The following KCNIP4 variants were observed in gnomAD, a reference collection of about 807,000 sequenced individuals.
The protein encoded by KCNIP4 is Kv channel-interacting protein 4.
A neutral mutation model predicts 34.0 loss-of-function variants in KCNIP4; 12 were observed. That is an observed-to-expected ratio of 0.35 (90% CI 0.23 to 0.57). The LOEUF (loss-of-function observed/expected upper bound fraction) is 0.57, where lower values mean the gene tolerates loss of function less well. Ranked by LOEUF, KCNIP4 falls within the 20% of genes least tolerant of loss-of-function variation. KCNIP4 has a pLI of 0.83. For synonymous variants in KCNIP4, 124 were observed against 102.2 expected (o/e 1.21, Z -1.29); for missense variants, 238 against 311.7 (o/e 0.76, Z 1.78).
intron 1 of KCNIP4, among the ~76,000 whole-genome samples, chr4:21,364,034 T>C (rs1201732873): frequency 2.0e-5 from 3 of 152,146 alleles, no homozygotes; most frequent in African/African-American, 7.2e-5. Context: ...AAAAGTTACT[T>C]ATCTTTATTC....
rs73798812 is a variant in KCNIP4 at position 21,403,121 on chromosome 4, C to A, written c.62-520412G>T. On this transcript the variant is annotated intron_variant, in intron 1 of 8. Coordinates refer to ENST00000382152, the MANE Select transcript of KCNIP4 (RefSeq NM_025221.6). ...GGTAACTGTTTCTTCCTTGAAATGTCTTCTTCCCCTGGATACAGTAAGATA... is the reference window on the plus strand; with the variant it reads ...GGTAACTGTTTCTTCCTTGAAATGTATTCTTCCCCTGGATACAGTAAGATA... Among the ~76,000 whole-genome samples, 1,177 of 152,290 alleles carry A rather than the reference C, an allele frequency of 7.7e-3. 24 individuals carry two copies. The highest frequency in any genetic ancestry group is 0.027 in the African/African-American group (1,117 of 41,558).
chr4:21,697,593 A>C, intron 1 of KCNIP4: 1 of 1,369,994 alleles, frequency 7.3e-7, no homozygotes. Context: ...TAGCGCCTCA[A>C]TCAGAAATTC....
intron 1 of KCNIP4, among the ~76,000 whole-genome samples, chr4:21,618,908 G>T (rs908407990): frequency 4.9e-4 from 74 of 151,808 alleles, no homozygotes; most frequent in African/African-American, 1.8e-3. Flanking sequence ...TCTGGGATAA[G>T]AGACATGAGC....
intron 1 of KCNIP4, among the ~76,000 whole-genome samples, chr4:21,392,492 A>G (rs1375009914): frequency 6.6e-6 from 1 of 152,216 alleles, no homozygotes; most frequent in East Asian, 1.9e-4. Flanking sequence ...CATTTTCCTG[A>G]GCACTCACAA....
chr4:21,515,499 C>A (rs975057477), intron 1 of KCNIP4, among the ~76,000 whole-genome samples: 3 of 151,944 alleles, frequency 2.0e-5, no homozygotes, highest in Admixed American at 2.0e-4. Flanking sequence ...ATTAGCTATG[C>A]GTCGTTGCAG....
At chr4:21,709,183 T>TA (rs1361613297) in intron 1 of KCNIP4, among the ~76,000 whole-genome samples, 2 of 151,800 alleles carry the variant, frequency 1.3e-5, no homozygotes, top group Non-Finnish European at 2.9e-5. Context: ...AACAGCATAA[T>TA]AAAAAAAGAA....
intron 1 of KCNIP4, among the ~76,000 whole-genome samples, chr4:21,642,219 C>T (rs960953566): frequency 1.3e-5 from 2 of 152,170 alleles, no homozygotes; most frequent in African/African-American, 4.8e-5. Context: ...TATCCCCAAC[C>T]ATCCTGATGC....
chr4:21,120,093 C>T (rs1750023524), intron 1 of KCNIP4, among the ~76,000 whole-genome samples: 2 of 152,098 alleles, frequency 1.3e-5, no homozygotes, highest in East Asian at 1.9e-4. Flanking sequence ...ATCAGGTCAA[C>T]GTGGGGGAGG....
chr4:21,024,288 T>G (rs1037840213), intron 1 of KCNIP4, among the ~76,000 whole-genome samples: 1 of 152,204 alleles, frequency 6.6e-6, no homozygotes, highest in African/African-American at 2.4e-5. Flanking sequence ...ACCACTCTTG[T>G]CAACCAGAGT....
intron 1 of KCNIP4, among the ~76,000 whole-genome samples, chr4:20,995,577 A>G (rs1737478222): frequency 1.3e-5 from 2 of 152,150 alleles, no homozygotes; most frequent in Non-Finnish European, 2.9e-5. Context: ...CCACACTCAC[A>G]TTGCCTCTCT....
intron 1 of KCNIP4, among the ~76,000 whole-genome samples, chr4:21,906,748 A>T (rs944080998): frequency 5.3e-5 from 8 of 152,164 alleles, no homozygotes; most frequent in African/African-American, 1.7e-4. Flanking sequence ...ACACCTATAA[A>T]AGCTATCTGC....
intron 1 of KCNIP4, among the ~76,000 whole-genome samples, chr4:21,827,372 A>G (rs547149932): frequency 6.6e-6 from 1 of 152,198 alleles, no homozygotes; most frequent in Non-Finnish European, 1.5e-5. Flanking sequence ...TCAATGGAGT[A>G]AAAAATACTT....
chr4:21,821,299 A>T (rs1722339126), intron 1 of KCNIP4, among the ~76,000 whole-genome samples: 1 of 152,170 alleles, frequency 6.6e-6, no homozygotes, highest in Non-Finnish European at 1.5e-5. Context: ...CTCTTACTCT[A>T]AGACCAAAGC....
At position 21,024,494 on chromosome 4, in the gene KCNIP4, C is replaced by T. The variant is rs369992256; in HGVS notation, c.62-141785G>A. Among the ~76,000 whole-genome samples the T allele has an allele frequency of 1.3e-5, 2 of 152,294 alleles. 1 individual carries two copies. The highest frequency in any genetic ancestry group is 4.8e-5 in the African/African-American group (2 of 41,548). On this transcript the variant is annotated intron_variant, in intron 1 of 8. Coordinates refer to ENST00000382152, the MANE Select transcript of KCNIP4 (RefSeq NM_025221.6). ...CGTACTTATAGTCATTCCCCAACAA[C>T]TAAAATATCTGATTTAGTCTTCCAG...
intron 1 of KCNIP4, among the ~76,000 whole-genome samples, chr4:21,096,902 G>A (rs551259441): frequency 3.3e-5 from 5 of 152,130 alleles, no homozygotes; most frequent in East Asian, 1.9e-4. Context: ...CTATGTCTCC[G>A]TATCCTTCCA....
At chr4:20,934,694 A>G (rs1395603185) in intron 1 of KCNIP4, among the ~76,000 whole-genome samples, 1 of 152,276 alleles carries the variant, frequency 6.6e-6, no homozygotes, top group Non-Finnish European at 1.5e-5. Flanking sequence ...GAGGAGAAAT[A>G]AACAAAAAAT....
chr4:21,435,375 G>A (rs970853487), intron 1 of KCNIP4, among the ~76,000 whole-genome samples: 2 of 152,122 alleles, frequency 1.3e-5, no homozygotes, highest in African/African-American at 2.4e-5. Context: ...GTTTAAAGGT[G>A]GCTAGAAGCA....
At chr4:21,727,665 C>T (rs955692964) in intron 1 of KCNIP4, among the ~76,000 whole-genome samples, 1 of 151,934 alleles carries the variant, frequency 6.6e-6, no homozygotes, top group African/African-American at 2.4e-5. Flanking sequence ...CTCATCTTTA[C>T]TAAAAATACA....
chr4:21,855,079 A>G (rs951569435), intron 1 of KCNIP4, among the ~76,000 whole-genome samples: 14 of 152,150 alleles, frequency 9.2e-5, no homozygotes, highest in Non-Finnish European at 1.9e-4. Context: ...CCAGGATTTT[A>G]AAGGTCATTT....
Sources: gnomAD v4.1 joint callset for allele counts (sites outside exome capture counted in the v4.1 genomes callset) on GRCh38, gnomAD v4.1.1 for gene constraint, MANE v1.5 for transcripts, NCBI Gene and HGNC (gene_info 2026-07-23, HGNC 2026-07-21) for gene names.